Variants in KATNIP observed in about 807,000 individuals in gnomAD.
The protein encoded by KATNIP is katanin interacting protein.
Under a neutral mutation model 174.0 loss-of-function variants are expected in KATNIP, and 126 were observed. The ratio of observed to expected loss-of-function variants is 0.72; its 90% CI spans 0.63 to 0.84. The LOEUF (loss-of-function observed/expected upper bound fraction) is 0.84. KATNIP is among the 40% of genes least tolerant of loss of function. The probability of loss-of-function intolerance (pLI) is 0.00; values close to 1 mark genes in which losing one functional copy is unlikely to be tolerated. For missense variants in KATNIP, 1,958 were observed against 2,109.7 expected (o/e 0.93, Z 1.41); for synonymous variants, 810 against 835.7 (o/e 0.97, Z 0.53).
chr16:27,566,219 C>T (rs1596734583), intron 1 of KATNIP, among the ~76,000 whole-genome samples: 1 of 152,110 alleles, frequency 6.6e-6, no homozygotes, highest in African/African-American at 2.4e-5. Flanking sequence ...TCTTTGCAAA[C>T]ACTATAGGTA....
intron 5 of KATNIP, chr16:27,644,551 G>C (rs2076903313): frequency 6.6e-6 from 1 of 152,202 alleles, no homozygotes; most frequent in South Asian, 2.1e-4. Flanking sequence ...TGTCACCCAG[G>C]CTGGAGCATA....
At chr16:27,561,725 G>A (rs1223832881) in intron 1 of KATNIP, among the ~76,000 whole-genome samples, 2 of 152,158 alleles carry the variant, frequency 1.3e-5, no homozygotes, top group Non-Finnish European at 2.9e-5. Flanking sequence ...TGTTTTCCCT[G>A]TAACGAGTCC....
intron 14 of KATNIP, among the ~76,000 whole-genome samples, chr16:27,731,006 C>A (rs76294400): frequency 6.6e-6 from 1 of 152,292 alleles, no homozygotes; most frequent in Non-Finnish European, 1.5e-5. Flanking sequence ...ACAGACCCCC[C>A]GTGGCTGCGG....
intron 1 of KATNIP, among the ~76,000 whole-genome samples, chr16:27,565,587 C>G (rs989456013): frequency 2.0e-5 from 3 of 151,780 alleles, no homozygotes; most frequent in Non-Finnish European, 4.4e-5. Context: ...GGAGTTTGAG[C>G]CCAGCGTGGG....
intron 3 of KATNIP, among the ~76,000 whole-genome samples, chr16:27,622,895 A>T (rs1385124846): frequency 1.3e-5 from 2 of 152,086 alleles, no homozygotes; most frequent in Non-Finnish European, 2.9e-5. Flanking sequence ...AGGTTTAGGA[A>T]CTTGCTCAAG....
intron 2 of KATNIP, among the ~76,000 whole-genome samples, chr16:27,603,324 T>G (rs1031372687): frequency 6.6e-6 from 1 of 152,192 alleles, no homozygotes; most frequent in Non-Finnish European, 1.5e-5. Context: ...AAAGGTAATT[T>G]AGTTTGGGGA....
chr16:27,699,364 C>A, intron 9 of KATNIP, 170 bp from the exon 10 acceptor site: 1 of 809,318 alleles, frequency 1.2e-6, no homozygotes, highest in Non-Finnish European at 1.5e-6. Flanking sequence ...GGGCATCCAT[C>A]GAGCAGCAAC....
intron 13 of KATNIP, among the ~76,000 whole-genome samples, chr16:27,717,053 C>T (rs1018917447): frequency 2.6e-5 from 4 of 151,876 alleles, no homozygotes; most frequent in African/African-American, 7.3e-5. Context: ...TATGTTGGCC[C>T]GGCTGGTCTC....
At chr16:27,655,189 T>G (rs1193059954) in intron 6 of KATNIP, among the ~76,000 whole-genome samples, 5 of 80,984 alleles carry the variant, frequency 6.2e-5, no homozygotes, top group African/African-American at 2.1e-4. Context: ...TATATATATA[T>G]ATATATATAT....
intron 7 of KATNIP, 55 bp from the exon 8 acceptor site, chr16:27,681,344 A>G: frequency 6.2e-7 from 1 of 1,605,710 alleles, no homozygotes; most frequent in East Asian, 2.2e-5. Flanking sequence ...GCCTGAACAG[A>G]ATGCCCAACT....
intron 11 of KATNIP, 108 bp downstream of exon 11, chr16:27,701,803 T>C (rs1299643522): frequency 4.0e-6 from 3 of 759,108 alleles, no homozygotes; most frequent in Non-Finnish European, 6.6e-6. Context: ...GACCCCTTAT[T>C]TCTTTCTTTA....
intron 18 of KATNIP, among the ~76,000 whole-genome samples, chr16:27,760,206 G>A (rs1196531699): frequency 6.6e-6 from 1 of 152,130 alleles, no homozygotes. Context: ...TGTGGTGCTG[G>A]CATTTCTGTG....
intron 5 of KATNIP, 113 bp from the exon 6 acceptor site, chr16:27,648,491 A>T: frequency 8.0e-7 from 1 of 1,250,494 alleles, no homozygotes; most frequent in Non-Finnish European, 1.1e-6. Context: ...ACACCACCCC[A>T]TGGTATCTAT....
chr16:27,751,624 G>A, intron 16 of KATNIP, 95 bp from the exon 17 acceptor site: 3 of 1,157,844 alleles, frequency 2.6e-6, no homozygotes, highest in Non-Finnish European at 3.9e-6. Flanking sequence ...GTGTGGGGTT[G>A]TACAGCACAG....
rs189597013 is a variant in KATNIP, at chr16:27,554,308, C to G, written c.7+4131C>G. Among the ~76,000 whole-genome samples the G allele has an allele frequency of 1.5e-3, 229 of 152,142 alleles. 1 individual carries two copies. Among genetic ancestry groups the G allele is most frequent in the Non-Finnish European group, 2.6e-3 (176 of 67,980 alleles). On this transcript the variant is annotated intron_variant, in intron 1 of 27. Coordinates refer to ENST00000261588, the MANE Select transcript of KATNIP (RefSeq NM_015202.5). ...TGAAACCCTGTCTCTACTAAAAATACAAAAATTAGCTGGGCATGGTGGCAC... is the reference window on the plus strand; with the variant it reads ...TGAAACCCTGTCTCTACTAAAAATAGAAAAATTAGCTGGGCATGGTGGCAC...
chr16:27,732,211 T>C (rs1466808874), intron 14 of KATNIP, among the ~76,000 whole-genome samples: 2 of 152,246 alleles, frequency 1.3e-5, no homozygotes, highest in African/African-American at 4.8e-5. Context: ...GAGTCTGTGA[T>C]GCTGGGTGGG....
rs898786415 is a variant in KATNIP, at chr16:27,749,606, G to T, written c.2646G>T (p.Thr882=). ...CAGAAGACACCTGGTCTTCCAGGAC[G>T]CCGTCACGGTCAAGGTGGCGCAGTG... ...ASREDTWSSR[T]PSRSRWRSEQ... Residue 882 remains threonine, a synonymous_variant, in exon 16 of 28, where the codon ACG becomes ACT. Coordinates refer to ENST00000261588, the MANE Select transcript of KATNIP (RefSeq NM_015202.5). The T allele has an allele frequency of 6.5e-7, 1 of 1,532,814 alleles. No homozygotes were observed. Among genetic ancestry groups the T allele is most frequent in the African/African-American group, 1.4e-5 (1 of 72,262 alleles). 95.0% of individuals were successfully genotyped at this position (1,532,814 alleles called of 1,614,324 possible).
intron 3 of KATNIP, among the ~76,000 whole-genome samples, chr16:27,626,964 CAAA>C (rs1195795602): frequency 1.1e-5 from 1 of 92,624 alleles, no homozygotes. Context: ...GACTCCGTCT[CAAA>C]AAAAAAAAAA....
At chr16:27,757,595 G>A (rs1393067226) in intron 18 of KATNIP, 1 of 867,676 alleles carries the variant, frequency 1.2e-6, no homozygotes, top group East Asian at 1.2e-4. Context: ...AGAGCTCAAA[G>A]ACCTTTTTAC....
Sources: allele counts gnomAD v4.1 joint callset (sites outside exome capture counted in the v4.1 genomes callset), GRCh38; gene constraint gnomAD v4.1.1; transcripts MANE v1.5; gene names NCBI Gene and HGNC (gene_info 2026-07-23, HGNC 2026-07-21).